The following SCIN variants were observed in gnomAD, a reference collection of about 807,000 sequenced individuals.
SCIN encodes adseverin.
SCIN carries 91 observed loss-of-function variants against 91.8 expected under a neutral mutation model. The ratio of observed to expected loss-of-function variants is 0.99; its 90% confidence interval spans 0.84 to 1.18. The LOEUF (loss-of-function observed/expected upper bound fraction) is 1.18. Among genes scored for constraint, SCIN ranks in the 50% most tolerant of loss-of-function variants. SCIN has a pLI of 0.00. For synonymous variants in SCIN, 367 were observed against 312.6 expected (o/e 1.17, Z -1.84); for missense variants, 1,087 against 863.9 (o/e 1.26, Z -3.24).
intron 3 of SCIN, among the ~76,000 whole-genome samples, chr7:12,599,614 C>T (rs118173915): frequency 0.015 from 2,344 of 152,136 alleles, 24 homozygotes; most frequent in Middle Eastern, 0.027. Context: ...CCATAGTGGT[C>T]GTTAGTAGTT....
At chr7:12,581,434 G>C (rs1293078283) in intron 3 of SCIN, among the ~76,000 whole-genome samples, 1 of 152,110 alleles carries the variant, frequency 6.6e-6, no homozygotes, top group Non-Finnish European at 1.5e-5. Flanking sequence ...TAGTGATTTA[G>C]TTCTTCCTAC....
At chr7:12,626,434 T>C in intron 7 of SCIN, 150 bp from the exon 8 acceptor site, 1 of 608,684 alleles carries the variant, frequency 1.6e-6, no homozygotes, top group South Asian at 2.3e-5. Context: ...ATTACTTTAG[T>C]TGTGAGAAAA....
At position 12,636,136 on chromosome 7, in the gene SCIN, G is replaced by A. The variant is rs767373730; in HGVS notation, c.1410+1G>A. 13 of 1,610,146 alleles carry A rather than the reference G, an allele frequency of 8.1e-6. No homozygotes were observed. The highest frequency in any genetic ancestry group is 1.7e-5 in the Admixed American group (1 of 59,642). ...GTCCCTTGGAGGACAGGCTGTGCAG[G>A]TTGGGATATTTTTACCCCCAAAACT... is the stretch of plus-strand genomic sequence containing the variant. On this transcript the variant is annotated splice_donor_variant, in intron 10 of 15. Transcript: ENST00000297029. LOFTEE classifies it high-confidence loss of function.
chr7:12,590,368 G>A (rs1188924451), intron 3 of SCIN, among the ~76,000 whole-genome samples: 1 of 152,114 alleles, frequency 6.6e-6, no homozygotes, highest in Non-Finnish European at 1.5e-5. Context: ...CCCCTTGGGA[G>A]GAAGTAACAG....
intron 3 of SCIN, among the ~76,000 whole-genome samples, chr7:12,592,961 A>G (rs1249117989): frequency 2.0e-5 from 3 of 152,200 alleles, no homozygotes; most frequent in Non-Finnish European, 4.4e-5. Context: ...TGGCCTCATC[A>G]GTCTTCAGTG....
In SCIN at chr7:12,585,086, T is replaced by C. The variant is rs541836931; in HGVS notation, c.516+3865T>C. Among the ~76,000 whole-genome samples, 10 of 152,314 alleles carry C rather than the reference T, an allele frequency of 6.6e-5. No individual in the cohort carries two copies. The South Asian group carries it at 1.7e-3, about 25-fold the overall frequency. ...TTATAAATGATCACGCCCTCTCCCA[T>C]TGTCCAGTCATGCTGCTTTGAAAAA... On this transcript the variant is annotated intron_variant, in intron 3 of 15. Coordinates refer to ENST00000297029, the MANE Select transcript of SCIN (RefSeq NM_001112706.3).
At chr7:12,622,668 T>A in intron 4 of SCIN, 133 bp from the exon 5 acceptor site, 2 of 639,946 alleles carry the variant, frequency 3.1e-6, no homozygotes, top group South Asian at 1.9e-5. Context: ...TATGCATTGA[T>A]GAGAAGTGTT....
intron 1 of SCIN, among the ~76,000 whole-genome samples, chr7:12,574,862 T>C (rs1202568153): frequency 6.6e-6 from 1 of 152,168 alleles, no homozygotes; most frequent in Non-Finnish European, 1.5e-5. Context: ...TAAGCCTGTA[T>C]ATGTCTATAA....
chr7:12,625,112 G>T lies in SCIN; in HGVS notation c.862G>T (p.Gly288Trp). The change falls in exon 6 of 16, where the codon GGG (glycine) becomes TGG (tryptophan). Residue 288 changes from glycine to tryptophan, a missense_variant. Physicochemically the swap from Gly to Trp is radical, Grantham distance 184 (BLOSUM62 -2). Coordinates refer to ENST00000297029, the MANE Select transcript of SCIN (RefSeq NM_001112706.3). ...LSEECFILDHGAAKQIFVWKG... is the reference protein window; with the variant it reads ...LSEECFILDHWAAKQIFVWKG... Reference sequence around the variant, plus strand: ...TGAAGAATGCTTTATTTTGGACCACGGGGCTGCCAAACAAATTTTCGTATG... The same window carrying T: ...TGAAGAATGCTTTATTTTGGACCACTGGGCTGCCAAACAAATTTTCGTATG... 6.2e-7 allele frequency: 1 copy of T among 1,607,826 alleles called. No individual in the cohort carries two copies. Among genetic ancestry groups the T allele is most frequent in the Non-Finnish European group, 8.5e-7 (1 of 1,177,372 alleles).
At chr7:12,592,573 C>T (rs1164348656) in intron 3 of SCIN, among the ~76,000 whole-genome samples, 10 of 151,392 alleles carry the variant, frequency 6.6e-5, no homozygotes, top group South Asian at 2.1e-4. Context: ...GGTCAGGGGC[C>T]GGACTAGCGG....
chr7:12,577,091 A>G (rs1209133720), intron 1 of SCIN, among the ~76,000 whole-genome samples: 3 of 152,162 alleles, frequency 2.0e-5, no homozygotes, highest in African/African-American at 7.2e-5. Flanking sequence ...GTGTATTACA[A>G]TTGTGAAAAT....
chr7:12,659,428 G>A lies in SCIN; in HGVS notation c.*6713G>A, dbSNP rs1280376350. Reference sequence around the variant, plus strand: ...GTAGCTAGATTTGTCCATGAAAGCAGGAGATTCCCTTAACTGGTGATGCCT... The same window carrying A: ...GTAGCTAGATTTGTCCATGAAAGCAAGAGATTCCCTTAACTGGTGATGCCT... On this transcript the variant is annotated 3_prime_UTR_variant, in exon 16 of 16. Transcript: ENST00000297029. The A allele has an allele frequency of 1.3e-5, 2 of 152,194 alleles. No individual in the cohort carries two copies. The highest frequency in any genetic ancestry group is 6.5e-5 in the Admixed American group (1 of 15,282). The allele number at this position is 152,194 out of a possible 1,614,324, so 9.4% of individuals were successfully genotyped here. A position where few individuals can be genotyped will look rare whatever the true frequency, so the allele number is the denominator to read the frequency against.
At chr7:12,589,811 G>C (rs1050793392) in intron 3 of SCIN, among the ~76,000 whole-genome samples, 2 of 152,136 alleles carry the variant, frequency 1.3e-5, no homozygotes, top group Admixed American at 6.5e-5. Context: ...TATTCTCCTA[G>C]CTGAGAGTTA....
intron 7 of SCIN, 39 bp from the exon 8 acceptor site, chr7:12,626,545 T>C (rs1562622967): frequency 2.1e-6 from 3 of 1,399,596 alleles, no homozygotes; most frequent in Non-Finnish European, 2.9e-6. Flanking sequence ...CTTAATTTCT[T>C]ATTTTCCTGT....
chr7:12,596,315 G>A (rs1041246657), intron 3 of SCIN: 6 of 455,360 alleles, frequency 1.3e-5, no homozygotes, highest in Non-Finnish European at 2.2e-5. Flanking sequence ...GTCTCATCTT[G>A]CACATCCCCA....
rs551844005 is a variant in SCIN at position 12,612,943 on chromosome 7, C to T, written c.666+8280C>T. Among the ~76,000 whole-genome samples, 14 of 152,228 alleles carry T rather than the reference C, an allele frequency of 9.2e-5. No individual in the cohort carries two copies. In the South Asian group the frequency reaches 2.7e-3, roughly 29 times the overall value. On this transcript the variant is annotated intron_variant, in intron 4 of 15. Coordinates refer to ENST00000297029, the MANE Select transcript of SCIN (RefSeq NM_001112706.3). ...TGTTATATTAATCAGTCCAAGTTAA[C>T]ACCACTTGGCAATCATCTCTGAATG...
Position 12,651,959 on chromosome 7 carries a change from C to T in SCIN, c.2020+58C>T, listed in dbSNP as rs752067561. The T allele has an allele frequency of 1.7e-6, 2 of 1,169,140 alleles. No individual in the cohort carries two copies. The highest frequency in any genetic ancestry group is 2.5e-6 in the Non-Finnish European group (2 of 807,750). The allele number at this position is 1,169,140 out of a possible 1,614,324, so 72.4% of individuals were successfully genotyped here. A position where few individuals can be genotyped will look rare whatever the true frequency, so the allele number is the denominator to read the frequency against. ...ACCGGGCACCATTATGACCGAGTGT[C>T]TGGCTTGCTCTTTGCCACCATGTCT... On this transcript the variant is annotated intron_variant, in intron 15 of 15. Transcript: ENST00000297029. The surrounding 1 kb of genome is among the most constrained non-coding windows in gnomAD (Gnocchi z 5.9).
At chr7:12,615,922 C>A (rs1783289547) in intron 4 of SCIN, among the ~76,000 whole-genome samples, 1 of 152,016 alleles carries the variant, frequency 6.6e-6, no homozygotes, top group African/African-American at 2.4e-5. Flanking sequence ...ATATATAAAT[C>A]AGGTTTATGT....
At chr7:12,634,859 G>T (rs1257130039) in intron 9 of SCIN, among the ~76,000 whole-genome samples, 3 of 152,122 alleles carry the variant, frequency 2.0e-5, no homozygotes, top group Non-Finnish European at 4.4e-5. Context: ...TCTGAGTGTT[G>T]GAAGTTTAGC....
Sources: gnomAD v4.1 joint callset for allele counts (sites outside exome capture counted in the v4.1 genomes callset) on GRCh38, gnomAD v4.1.1 for gene constraint, Gnocchi (gnomAD v3.1) non-coding constraint, MANE v1.5 for transcripts, NCBI Gene and HGNC (gene_info 2026-07-23, HGNC 2026-07-21) for gene names.